The following THSD1 variants were observed in gnomAD, a reference collection of about 807,000 sequenced individuals.
The protein encoded by THSD1 is thrombospondin type 1 domain containing 1, also known as thrombospondin type-1 domain-containing protein 1.
THSD1 carries 34 observed loss-of-function variants against 46.3 expected under a neutral mutation model. The ratio of observed to expected loss-of-function variants is 0.74; its 90% CI spans 0.56 to 0.98. The LOEUF (loss-of-function observed/expected upper bound fraction) is 0.98. THSD1 is among the 50% of genes least tolerant of loss of function. The pLI is 0.00. For missense variants in THSD1, 1,023 were observed against 1,058.3 expected (o/e 0.97, Z 0.46); for synonymous variants, 407 against 416.5 (o/e 0.98, Z 0.28).
intron 3 of THSD1, among the ~76,000 whole-genome samples, chr13:52,394,256 CT>C (rs1246359536): frequency 1.3e-5 from 2 of 152,234 alleles, no homozygotes; most frequent in Admixed American, 6.5e-5. Flanking sequence ...TATTGACTTC[CT>C]TTGATTCATT....
In THSD1 at chr13:52,377,340, A is replaced by G. The variant is rs2137718864; in HGVS notation, c.*71T>C. 1.4e-6 allele frequency: 2 copies of G among 1,453,758 alleles called. No individual in the cohort carries two copies. Among genetic ancestry groups the G allele is most frequent in the East Asian group, 4.9e-5 (2 of 40,858 alleles). The allele number at this position is 1,453,758 out of a possible 1,614,324, so 90.1% of individuals were successfully genotyped here. On this transcript the variant is annotated 3_prime_UTR_variant, in exon 5 of 5. Coordinates refer to ENST00000258613, the MANE Select transcript of THSD1 (RefSeq NM_018676.4). ...CCTCACATTCTGTCCTACGGTACAAATAGTTACACAAAAGTCTACAAAACG... is the reference window on the plus strand; with the variant it reads ...CCTCACATTCTGTCCTACGGTACAAGTAGTTACACAAAAGTCTACAAAACG...
rs113543720 is a variant in THSD1, at chr13:52,378,793, CA to C, written c.1181-5del. The C allele has an allele frequency of 0.64, 973,197 of 1,517,552 alleles. 311,461 individuals are homozygous for C. The highest frequency in any genetic ancestry group is 0.7 in the Middle Eastern group (3,832 of 5,494). The allele number at this position is 1,517,552 out of a possible 1,614,324, so 94.0% of individuals were successfully genotyped here. ...GATGGGCTGGATGGCTGGAAAGCTG[CA>C]AAAAAAAACAAAACAAAACAAACAA... is the stretch of plus-strand genomic sequence containing the variant. On this transcript the variant is annotated splice_region_variant and splice_polypyrimidine_tract_variant and intron_variant, in intron 4 of 4. Transcript: ENST00000258613.
intron 1 of THSD1, 145 bp from the exon 2 acceptor site, chr13:52,402,826 C>A: frequency 7.4e-7 from 1 of 1,356,704 alleles, no homozygotes; most frequent in Non-Finnish European, 9.5e-7. Context: ...TTCCCTGGGG[C>A]AATGACTTAT....
In THSD1 at chr13:52,385,866, A is replaced by T. The variant is rs113323975; in HGVS notation, c.1180+162T>A. 1.2e-3 allele frequency among the ~76,000 whole-genome samples: 180 copies of T among 152,306 alleles called. 2 individuals carry two copies. Among genetic ancestry groups the T allele is most frequent in the African/African-American group, 4.3e-3 (179 of 41,566 alleles). On this transcript the variant is annotated intron_variant, in intron 4 of 4. Transcript: ENST00000258613. ...CTCTCCCAGCTATTCCCGGTCTTAGATACACTAACAAATACAGGGTTAGTA... is the reference window on the plus strand; with the variant it reads ...CTCTCCCAGCTATTCCCGGTCTTAGTTACACTAACAAATACAGGGTTAGTA...
At chr13:52,400,431 C>T (rs1281323981) in intron 2 of THSD1, among the ~76,000 whole-genome samples, 1 of 152,066 alleles carries the variant, frequency 6.6e-6, no homozygotes, top group Non-Finnish European at 1.5e-5. Flanking sequence ...AACCCTGAAT[C>T]TACTAAAAAT....
chr13:52,402,742 A>C, intron 1 of THSD1, 61 bp from the exon 2 acceptor site: 1 of 1,423,280 alleles, frequency 7.0e-7, no homozygotes, highest in Non-Finnish European at 9.2e-7. Context: ...AATAGTAATC[A>C]TTAAATGACA....
At position 52,377,834 on chromosome 13, in the gene THSD1, G is replaced by A. The variant is rs80140239; in HGVS notation, c.2136C>T (p.Phe712=). 7.4e-6 allele frequency: 12 copies of A among 1,614,062 alleles called. No individual in the cohort carries two copies. In the Admixed American group the frequency reaches 1.8e-4, roughly 25 times the overall value. Residue 712 remains phenylalanine (F), a synonymous_variant, in exon 5 of 5, where the codon TTC becomes TTT. Transcript: ENST00000258613. ...AHLFPEKLEH[F]QEASGTRGPL... ...GACCACGGGTTCCACTTGCCTCTTG[G>A]AAATGCTCCAGTTTTTCAGGAAACA...
At chr13:52,381,785 CCCTT>C (rs2137725571) in intron 4 of THSD1, among the ~76,000 whole-genome samples, 1 of 152,158 alleles carries the variant, frequency 6.6e-6, no homozygotes, top group Admixed American at 6.5e-5. Flanking sequence ...TTTAAAAGGA[CCCTT>C]CTCCAGCCCT....
chr13:52,405,664 CTTTAA>C (rs1240778257), intron 1 of THSD1, among the ~76,000 whole-genome samples: 1 of 152,160 alleles, frequency 6.6e-6, no homozygotes, highest in African/African-American at 2.4e-5. Context: ...TGAGGACCGT[CTTTAA>C]TTTAATTTAA....
chr13:52,395,951 G>T (rs942049767), intron 3 of THSD1, among the ~76,000 whole-genome samples: 1 of 152,170 alleles, frequency 6.6e-6, no homozygotes, highest in African/African-American at 2.4e-5. Flanking sequence ...GCTGGCAGAT[G>T]GCTGGATACA....
intron 3 of THSD1, among the ~76,000 whole-genome samples, chr13:52,392,764 C>G (rs967850882): frequency 2.4e-4 from 36 of 152,176 alleles, no homozygotes; most frequent in Admixed American, 6.5e-5. Flanking sequence ...GGTAACTAAA[C>G]AAATCACGAT....
chr13:52,393,486 C>T (rs771400311), intron 3 of THSD1, among the ~76,000 whole-genome samples: 14 of 151,982 alleles, frequency 9.2e-5, no homozygotes, highest in Non-Finnish European at 1.6e-4. Flanking sequence ...GGTGAAACCC[C>T]GTCTCTACTA....
Position 52,378,578 on chromosome 13 carries a change from G to C in THSD1, c.1392C>G (p.Asp464Glu). 6.2e-7 allele frequency: 1 copy of C among 1,614,146 alleles called. No individual in the cohort carries two copies. Among genetic ancestry groups the C allele is most frequent in the Admixed American group, 1.7e-5 (1 of 60,010 alleles). ...CGCTCAGCTCGCAGATATTCTCCTC[G>C]TCCGAGTTCTTCCGGAAGCTGGGGG... ...IHSPSFRKNS[D>E]EENICELSEQ... The change falls in exon 5 of 5, where the codon GAC becomes GAG. Residue 464 changes from aspartate (D) to glutamate (E), a missense_variant. Physicochemically the swap from Asp to Glu is conservative, Grantham distance 45. Coordinates refer to ENST00000258613, the MANE Select transcript of THSD1 (RefSeq NM_018676.4).
intron 4 of THSD1, 147 bp from the exon 5 acceptor site, chr13:52,378,936 C>T: frequency 2.2e-6 from 2 of 896,416 alleles, no homozygotes; most frequent in Non-Finnish European, 3.2e-6. Flanking sequence ...GATCTCGGCT[C>T]ATTGCAACCT....
At chr13:52,400,163 T>C (rs1020582599) in intron 2 of THSD1, 1 of 159,260 alleles carries the variant, frequency 6.3e-6, no homozygotes. Context: ...CAGATTCTGA[T>C]TGATGGGAGC....
At chr13:52,404,106 C>A (rs1957888688) in intron 1 of THSD1, among the ~76,000 whole-genome samples, 1 of 151,922 alleles carries the variant, frequency 6.6e-6, no homozygotes, top group Non-Finnish European at 1.5e-5. Flanking sequence ...CACCACCACG[C>A]TTGGCTAATT....
chr13:52,397,948 G>A lies in THSD1; in HGVS notation c.305C>T (p.Thr102Ile). 1 of 1,614,230 alleles carries A rather than the reference G, an allele frequency of 6.2e-7. No homozygotes were observed. Among genetic ancestry groups the A allele is most frequent in the Non-Finnish European group, 8.5e-7 (1 of 1,180,046 alleles). The change falls in exon 3 of 5, where the codon ACA (threonine) becomes ATA (isoleucine). Residue 102 changes from threonine to isoleucine, a missense_variant. Physicochemically the swap from Thr to Ile is moderately conservative, Grantham distance 89. Coordinates refer to ENST00000258613, the MANE Select transcript of THSD1 (RefSeq NM_018676.4). ...YFKEAGDYWF[T>I]MTPEATDNST... ...GTTGTCTGTTGCTTCTGGAGTCATT[G>A]TGAACCAGTAGTCACCAGCCTCCTT...
chr13:52,378,287 GT>G lies in THSD1; in HGVS notation c.1682del (p.Asp561AlafsTer12). The G allele has an allele frequency of 6.2e-7, 1 of 1,614,232 alleles. No homozygotes were observed. The highest frequency in any genetic ancestry group is 1.6e-4 in the Middle Eastern group (1 of 6,062). On this transcript the variant is annotated frameshift_variant, in exon 5 of 5. Coordinates refer to ENST00000258613, the MANE Select transcript of THSD1 (RefSeq NM_018676.4). LOFTEE classifies it low-confidence loss of function (END_TRUNC). The stretch of plus-strand genomic sequence containing the variant: ...CGCTGGGGGCCGCATCAATGGCAGT[GT>G]CTGTCAGGGGACTCTGAGACACGTG... The part of the protein sequence containing the change: ...VYHVSQSPLT[D>X]TAIDAAPSAP...
intron 3 of THSD1, among the ~76,000 whole-genome samples, chr13:52,386,461 C>T (rs1054238924): frequency 2.6e-5 from 4 of 152,128 alleles, no homozygotes; most frequent in Admixed American, 2.6e-4. Flanking sequence ...ATAGCATCTT[C>T]CAAGGAAAAA....
Sources: gnomAD v4.1 joint callset for allele counts (sites outside exome capture counted in the v4.1 genomes callset) on GRCh38, gnomAD v4.1.1 for gene constraint, MANE v1.5 for transcripts, NCBI Gene and HGNC (gene_info 2026-07-23, HGNC 2026-07-21) for gene names.